FER: variants seen among roughly 807,000 people sequenced by gnomAD.
The protein encoded by FER is FER tyrosine kinase, also known as tyrosine-protein kinase Fer.
FER carries 63 observed loss-of-function variants against 111.0 expected under a neutral mutation model. That is an observed-to-expected ratio of 0.57 (90% CI 0.46 to 0.70). The LOEUF (loss-of-function observed/expected upper bound fraction) is 0.70, where lower values mean the gene tolerates loss of function less well. FER is among the 30% of genes least tolerant of loss of function. FER has a pLI of 0.00. For missense variants in FER, 914 were observed against 954.0 expected (o/e 0.96, Z 0.55); for synonymous variants, 327 against 313.9 (o/e 1.04, Z -0.44).
intron 10 of FER, among the ~76,000 whole-genome samples, chr5:108,903,974 A>G (rs1041765728): frequency 6.6e-5 from 10 of 152,196 alleles, no homozygotes; most frequent in Admixed American, 1.3e-4. Context: ...TTTTTACACA[A>G]GTGTTACAGC....
chr5:108,888,771 G>A (rs1226566343), intron 9 of FER, among the ~76,000 whole-genome samples: 2 of 151,790 alleles, frequency 1.3e-5, no homozygotes, highest in Non-Finnish European at 2.9e-5. Context: ...TCATATATGA[G>A]AGATTATGTC....
intron 13 of FER, among the ~76,000 whole-genome samples, chr5:109,035,137 G>A (rs1311194460): frequency 3.3e-5 from 5 of 150,394 alleles, no homozygotes; most frequent in South Asian, 4.2e-4. Flanking sequence ...GGGTTCAAGC[G>A]ATTCTCCTGC....
chr5:108,867,973 C>A, intron 6 of FER, 23 bp downstream of exon 6: 2 of 1,579,110 alleles, frequency 1.3e-6, no homozygotes, highest in Non-Finnish European at 8.6e-7. Flanking sequence ...TTCTTTTTAT[C>A]ATAAAATCCC....
chr5:109,020,323 A>T (rs1162164855), intron 13 of FER, among the ~76,000 whole-genome samples: 1 of 151,968 alleles, frequency 6.6e-6, no homozygotes, highest in Non-Finnish European at 1.5e-5. Flanking sequence ...TTATAGTCAT[A>T]TATAATAAAG....
chr5:108,858,356 A>G (rs967001400), intron 5 of FER, among the ~76,000 whole-genome samples: 2 of 152,218 alleles, frequency 1.3e-5, no homozygotes, highest in African/African-American at 4.8e-5. Flanking sequence ...TGAAACTTAA[A>G]GACTACAGTT....
intron 2 of FER, among the ~76,000 whole-genome samples, chr5:108,794,192 T>G (rs1580569379): frequency 1.3e-5 from 2 of 152,034 alleles, no homozygotes; most frequent in East Asian, 3.8e-4. Context: ...TCTGATTGAT[T>G]AATCCCCCTT....
intron 3 of FER, among the ~76,000 whole-genome samples, chr5:108,803,905 C>A (rs558699338): frequency 1.4e-3 from 210 of 152,222 alleles, no homozygotes; most frequent in African/African-American, 4.3e-3. Flanking sequence ...AGTGTTGAAT[C>A]TGTAGATTGC....
intron 17 of FER, among the ~76,000 whole-genome samples, chr5:109,123,290 G>T (rs1012978033): frequency 6.6e-6 from 1 of 151,370 alleles, no homozygotes; most frequent in African/African-American, 2.4e-5. Context: ...TGAGTAGCTG[G>T]GTCTACAGGC....
In FER at chr5:109,072,228, CAG is replaced by C. The variant is rs552222672; in HGVS notation, c.1924+25032_1924+25033del. On this transcript the variant is annotated intron_variant, in intron 16 of 19. Transcript: ENST00000281092. ...TACCTGAGTGCAATTAAAAACATGA[CAG>C]AAAAAAAACCTCTTTCTATTCTATG... Among the ~76,000 whole-genome samples, 471 of 150,644 alleles carry C rather than the reference CAG, an allele frequency of 3.1e-3. 1 individual carries two copies. Among genetic ancestry groups the C allele is most frequent in the African/African-American group, 0.011 (443 of 41,206 alleles).
chr5:109,001,128 T>A (rs1429331271), intron 13 of FER, among the ~76,000 whole-genome samples: 2 of 152,094 alleles, frequency 1.3e-5, no homozygotes, highest in Non-Finnish European at 2.9e-5. Flanking sequence ...CCTAACTCAT[T>A]TTATAAGGCC....
intron 10 of FER, among the ~76,000 whole-genome samples, chr5:108,901,692 C>A (rs933306224): frequency 6.6e-6 from 1 of 152,046 alleles, no homozygotes; most frequent in Non-Finnish European, 1.5e-5. Flanking sequence ...TGGCTCACAC[C>A]TGTAATGTCA....
At chr5:108,913,679 A>C (rs1581174268) in intron 10 of FER, among the ~76,000 whole-genome samples, 2 of 152,330 alleles carry the variant, frequency 1.3e-5, no homozygotes, top group African/African-American at 2.4e-5. Context: ...AAATACATAC[A>C]TATGCTCTCA....
chr5:108,835,688 G>A lies in FER; in HGVS notation c.382-20G>A. ...AATTTAAACAATTTAATACATTTAT[G>A]CATTTTGTTTCTTTGACAGGTTACC... On this transcript the variant is annotated intron_variant, in intron 4 of 19. Transcript: ENST00000281092. 1 of 1,407,514 alleles carries A rather than the reference G, an allele frequency of 7.1e-7. No homozygotes were observed. The highest frequency in any genetic ancestry group is 9.8e-7 in the Non-Finnish European group (1 of 1,022,920). The allele number at this position is 1,407,514 out of a possible 1,614,324, so 87.2% of individuals were successfully genotyped here.
At chr5:108,783,350 A>G (rs1255796187) in intron 2 of FER, among the ~76,000 whole-genome samples, 1 of 151,984 alleles carries the variant, frequency 6.6e-6, no homozygotes, top group Admixed American at 6.6e-5. Context: ...CTATTTTTAC[A>G]TTTGTTTTAA....
intron 10 of FER, among the ~76,000 whole-genome samples, chr5:108,910,253 A>G (rs1312501046): frequency 2.0e-5 from 3 of 152,192 alleles, no homozygotes; most frequent in South Asian, 2.1e-4. Context: ...GAACTGTTAA[A>G]CTTGTCTATC....
intron 17 of FER, among the ~76,000 whole-genome samples, chr5:109,121,302 A>C (rs1232106729): frequency 6.6e-6 from 1 of 152,130 alleles, no homozygotes; most frequent in African/African-American, 2.4e-5. Flanking sequence ...TTTTATCATG[A>C]AAACATGTTG....
chr5:109,058,329 T>A (rs1381842057), intron 16 of FER, among the ~76,000 whole-genome samples: 1 of 152,122 alleles, frequency 6.6e-6, no homozygotes, highest in Non-Finnish European at 1.5e-5. Context: ...ACTCACAACT[T>A]CTCTTATTGT....
chr5:108,900,086 C>T (rs1035290415), intron 10 of FER, among the ~76,000 whole-genome samples: 1 of 152,106 alleles, frequency 6.6e-6, no homozygotes. Context: ...TGCCTATTTG[C>T]TGAAGCAATG....
At chr5:108,817,454 A>G (rs1292731680) in intron 3 of FER, among the ~76,000 whole-genome samples, 2 of 152,212 alleles carry the variant, frequency 1.3e-5, no homozygotes, top group East Asian at 1.9e-4. Flanking sequence ...TGCATTCTTC[A>G]TGGAATTTTT....
Sources: gnomAD v4.1 joint callset for allele counts (sites outside exome capture counted in the v4.1 genomes callset) on GRCh38, gnomAD v4.1.1 for gene constraint, MANE v1.5 for transcripts, NCBI Gene and HGNC (gene_info 2026-07-23, HGNC 2026-07-21) for gene names.